TOPAZ1: variants seen among roughly 807,000 people sequenced by gnomAD.
TOPAZ1 encodes the protein protein TOPAZ1.
Under a neutral mutation model 172.2 loss-of-function variants are expected in TOPAZ1, and 66 were observed. That is an observed-to-expected ratio of 0.38 (90% CI 0.31 to 0.47). TOPAZ1 has a LOEUF of 0.47. TOPAZ1 is among the 20% of genes least tolerant of loss of function. The pLI, the probability that TOPAZ1 is intolerant of heterozygous loss-of-function variation, is 0.99. For missense variants in TOPAZ1, 1,822 were observed against 1,972.4 expected (o/e 0.92, Z 1.44); for synonymous variants, 681 against 683.9 (o/e 1.00, Z 0.07).
intron 5 of TOPAZ1, 24 bp from the exon 6 acceptor site, chr3:44,266,973 A>T (rs1369485300): frequency 6.7e-7 from 1 of 1,490,744 alleles, no homozygotes; most frequent in African/African-American, 1.4e-5. Context: ...TTAAATTCTG[A>T]TGTTAATTTT....
At chr3:44,255,471 T>C (rs558935261) in intron 3 of TOPAZ1, among the ~76,000 whole-genome samples, 131 of 151,812 alleles carry the variant, frequency 8.6e-4, no homozygotes, top group Admixed American at 1.7e-3. Flanking sequence ...GCCAACATGG[T>C]GAAACCCCAT....
chr3:44,304,717 G>A (rs1168428363), intron 13 of TOPAZ1, among the ~76,000 whole-genome samples: 1 of 152,088 alleles, frequency 6.6e-6, no homozygotes, highest in Non-Finnish European at 1.5e-5. Flanking sequence ...TGTCCAAAAC[G>A]ATATGTGGGC....
intron 4 of TOPAZ1, among the ~76,000 whole-genome samples, chr3:44,258,914 G>A (rs554505933): frequency 2.6e-5 from 4 of 152,286 alleles, no homozygotes; most frequent in South Asian, 2.1e-4. Flanking sequence ...ACTCTCCTGC[G>A]GCTGGAGTCA....
intron 4 of TOPAZ1, among the ~76,000 whole-genome samples, chr3:44,261,708 T>C (rs1272773639): frequency 2.6e-5 from 4 of 152,302 alleles, no homozygotes; most frequent in Middle Eastern, 6.8e-3. Flanking sequence ...ATTGGTAGTT[T>C]AATAGGAATA....
intron 5 of TOPAZ1, among the ~76,000 whole-genome samples, 179 bp downstream of exon 5, chr3:44,262,662 C>CA (rs1167420337): frequency 6.6e-6 from 1 of 151,958 alleles, no homozygotes; most frequent in Non-Finnish European, 1.5e-5. Context: ...TGTAAATTAC[C>CA]TTAAAGCTGT....
At chr3:44,283,409 C>T (rs1033212237) in intron 9 of TOPAZ1, among the ~76,000 whole-genome samples, 1 of 152,074 alleles carries the variant, frequency 6.6e-6, no homozygotes, top group African/African-American at 2.4e-5. Context: ...TAAAGAGGCT[C>T]TGAATACCAC....
rs59827431 is a variant in TOPAZ1, at chr3:44,257,352, G to GGTGTGTGTGTGTGT, written c.2955+1117_2955+1130dup. Among the ~76,000 whole-genome samples the GGTGTGTGTGTGTGT allele has an allele frequency of 1.9e-3, 213 of 110,382 alleles. 4 individuals carry two copies. Among genetic ancestry groups the GGTGTGTGTGTGTGT allele is most frequent in the East Asian group, 2.1e-3 (9 of 4,210 alleles). 72.4% of individuals were successfully genotyped at this position (110,382 alleles called of 152,430 possible). On this transcript the variant is annotated intron_variant, in intron 4 of 19. Coordinates refer to ENST00000309765, the MANE Select transcript of TOPAZ1 (RefSeq NM_001145030.2). ...CCTGTCTCAAAAAAGAAAACATAGG[G>GGTGTGTGTGTGTGT]GTGTGTGTGTGTGTGTGTGTGTGTG...
At chr3:44,256,609 C>T (rs923414478) in intron 4 of TOPAZ1, among the ~76,000 whole-genome samples, 7 of 152,004 alleles carry the variant, frequency 4.6e-5, no homozygotes, top group South Asian at 2.1e-4. Context: ...TACTGAAAAT[C>T]GTTTGATCTT....
intron 19 of TOPAZ1, 78 bp downstream of exon 19, chr3:44,328,511 ATG>A (rs1415141223): frequency 2.7e-6 from 2 of 741,846 alleles, no homozygotes; most frequent in Non-Finnish European, 4.2e-6. Flanking sequence ...TAAATGTTTT[ATG>A]TGTTTTTATA....
chr3:44,287,385 T>G lies in TOPAZ1; in HGVS notation c.3437-4T>G, dbSNP rs1700091637. 7.0e-7 allele frequency: 1 copy of G among 1,433,784 alleles called. No individual in the cohort carries two copies. Among genetic ancestry groups the G allele is most frequent in the East Asian group, 2.7e-5 (1 of 37,632 alleles). The allele number at this position is 1,433,784 out of a possible 1,614,324, so 88.8% of individuals were successfully genotyped here. On this transcript the variant is annotated splice_polypyrimidine_tract_variant and splice_region_variant and intron_variant, in intron 9 of 19. Transcript: ENST00000309765. ...GACTTTAGTATATATATTTTCATTT[T>G]CAGTAAACATATTTATGGAGTACTA...
chr3:44,275,427 C>T (rs1053105410), intron 8 of TOPAZ1, among the ~76,000 whole-genome samples: 3 of 152,066 alleles, frequency 2.0e-5, no homozygotes, highest in Admixed American at 2.0e-4. Flanking sequence ...TTCTTTAGCT[C>T]CCACGTAAGA....
Position 44,316,429 on chromosome 3 carries a change from G to A in TOPAZ1, c.4307-4598G>A, listed in dbSNP as rs539262292. On this transcript the variant is annotated intron_variant, in intron 16 of 19. Transcript: ENST00000309765. ...AATTTTCAGGTACCATCAGTGATGT[G>A]TATATCACACTTAGGAAATATCACA... Among the ~76,000 whole-genome samples the A allele has an allele frequency of 2.3e-4, 35 of 152,096 alleles. 1 individual carries two copies. The South Asian group carries it at 7.3e-3, about 32-fold the overall frequency.
chr3:44,283,134 ACTT>A (rs1448606036), intron 9 of TOPAZ1, among the ~76,000 whole-genome samples: 1 of 152,208 alleles, frequency 6.6e-6, no homozygotes, highest in African/African-American at 2.4e-5. Flanking sequence ...CAGGAAAAAT[ACTT>A]CTGAATTTTG....
At chr3:44,261,471 T>A (rs1423321924) in intron 4 of TOPAZ1, among the ~76,000 whole-genome samples, 3 of 152,190 alleles carry the variant, frequency 2.0e-5, no homozygotes, top group African/African-American at 4.8e-5. Context: ...GTTGTAGGTG[T>A]GCAGCCTTAT....
chr3:44,305,366 C>T (rs937572264), intron 14 of TOPAZ1, 45 bp downstream of exon 14: 1 of 1,443,880 alleles, frequency 6.9e-7, no homozygotes, highest in Non-Finnish European at 9.1e-7. Context: ...GAGGATGGTG[C>T]AGTTTTCTTT....
chr3:44,284,623 G>A (rs1013726344), intron 9 of TOPAZ1, among the ~76,000 whole-genome samples: 43 of 152,036 alleles, frequency 2.8e-4, no homozygotes, highest in African/African-American at 9.2e-4. Context: ...CAGTTCTTTC[G>A]GGTATATACC....
At chr3:44,273,004 A>G (rs1354151038) in intron 8 of TOPAZ1, among the ~76,000 whole-genome samples, 1 of 152,148 alleles carries the variant, frequency 6.6e-6, no homozygotes, top group Non-Finnish European at 1.5e-5. Context: ...ACTCAATCTT[A>G]AACAAACCAA....
intron 11 of TOPAZ1, among the ~76,000 whole-genome samples, chr3:44,289,503 T>C (rs918877097): frequency 5.3e-5 from 8 of 152,160 alleles, no homozygotes; most frequent in Non-Finnish European, 7.4e-5. Flanking sequence ...CCAAAACTAT[T>C]TTTAGTTAAA....
intron 8 of TOPAZ1, among the ~76,000 whole-genome samples, chr3:44,272,381 C>G (rs751910988): frequency 4.7e-4 from 71 of 152,150 alleles, no homozygotes; most frequent in Non-Finnish European, 9.4e-4. Context: ...CAAAGATTCC[C>G]TTTTCTGCAC....
Sources: gnomAD v4.1 joint callset for allele counts (sites outside exome capture counted in the v4.1 genomes callset) on GRCh38, gnomAD v4.1.1 for gene constraint, MANE v1.5 for transcripts, NCBI Gene and HGNC (gene_info 2026-07-23, HGNC 2026-07-21) for gene names.